The following SUGCT variants were observed in gnomAD, a reference collection of about 807,000 sequenced individuals.
SUGCT encodes succinyl-CoA:glutarate CoA-transferase.
Under a neutral mutation model 55.0 loss-of-function variants are expected in SUGCT, and 41 were observed. The ratio of observed to expected loss-of-function variants is 0.74; its 90% CI spans 0.58 to 0.97. The LOEUF is 0.97. Ranked by LOEUF, SUGCT falls within the 50% of genes least tolerant of loss-of-function variation. The pLI is 0.00. For synonymous variants in SUGCT, 187 were observed against 200.4 expected (o/e 0.93, Z 0.56); for missense variants, 568 against 547.8 (o/e 1.04, Z -0.37).
intron 9 of SUGCT, among the ~76,000 whole-genome samples, chr7:40,426,323 T>G (rs897110537): frequency 6.6e-6 from 1 of 152,182 alleles, no homozygotes; most frequent in Admixed American, 6.6e-5. Flanking sequence ...ATTTATGGTA[T>G]ATGCGTGTCA....
chr7:40,542,616 T>A (rs1406115107), intron 12 of SUGCT, among the ~76,000 whole-genome samples: 1 of 152,200 alleles, frequency 6.6e-6, no homozygotes, highest in African/African-American at 2.4e-5. Context: ...TGCTCATGTG[T>A]GTCTCATTGA....
At chr7:40,473,005 TTTTC>T (rs1264610147) in intron 11 of SUGCT, among the ~76,000 whole-genome samples, 4 of 152,188 alleles carry the variant, frequency 2.6e-5, no homozygotes, top group Non-Finnish European at 5.9e-5. Flanking sequence ...AGTTGTATAT[TTTTC>T]TTTCTTTGAT....
At chr7:40,325,677 G>A (rs866111946) in intron 9 of SUGCT, among the ~76,000 whole-genome samples, 15 of 151,980 alleles carry the variant, frequency 9.9e-5, no homozygotes, top group African/African-American at 3.1e-4. Context: ...GTGGTGGTGC[G>A]TGCCGGTAAT....
At chr7:40,327,614 G>A (rs1320078798) in intron 9 of SUGCT, among the ~76,000 whole-genome samples, 1 of 152,178 alleles carries the variant, frequency 6.6e-6, no homozygotes, top group East Asian at 1.9e-4. Flanking sequence ...ATAGAAGGTG[G>A]TGCAAGGAAA....
At chr7:40,850,949 T>C (rs1197420573) in intron 13 of SUGCT, among the ~76,000 whole-genome samples, 1 of 152,214 alleles carries the variant, frequency 6.6e-6, no homozygotes, top group African/African-American at 2.4e-5. Flanking sequence ...ATACATTGAG[T>C]ATTTACTGTG....
intron 7 of SUGCT, among the ~76,000 whole-genome samples, chr7:40,268,923 C>G (rs1258204582): frequency 6.6e-6 from 1 of 152,222 alleles, no homozygotes; most frequent in African/African-American, 2.4e-5. Context: ...AGGCATGAGC[C>G]AATGTGCCCA....
At chr7:40,390,433 A>G (rs1785361878) in intron 9 of SUGCT, among the ~76,000 whole-genome samples, 2 of 152,228 alleles carry the variant, frequency 1.3e-5, no homozygotes, top group African/African-American at 4.8e-5. Context: ...CAACTTCAGC[A>G]AAGTCTCAGG....
chr7:40,934,654 G>T, the SUGCT span, among the ~76,000 whole-genome samples: 3 of 100,374 alleles, frequency 3.0e-5, no homozygotes, highest in South Asian at 1.3e-3. Context: ...AATGGTGGAC[G>T]CCCCTCCCTC....
intron 12 of SUGCT, among the ~76,000 whole-genome samples, chr7:40,725,110 T>G (rs908964137): frequency 5.3e-5 from 8 of 152,172 alleles, no homozygotes; most frequent in African/African-American, 1.9e-4. Context: ...CCTTGCTTTC[T>G]CTTCCCAGGA....
At chr7:40,358,660 G>A (rs867572046) in intron 9 of SUGCT, among the ~76,000 whole-genome samples, 1 of 152,086 alleles carries the variant, frequency 6.6e-6, no homozygotes, top group Non-Finnish European at 1.5e-5. Context: ...GTTGTAGTGA[G>A]CCGAAATTGT....
At chr7:40,754,019 G>T (rs1788141337) in intron 13 of SUGCT, among the ~76,000 whole-genome samples, 1 of 152,110 alleles carries the variant, frequency 6.6e-6, no homozygotes, top group South Asian at 2.1e-4. Context: ...AAAGAGTTAG[G>T]AAAGAAATGT....
the SUGCT span, among the ~76,000 whole-genome samples, chr7:40,881,550 G>A: frequency 6.6e-6 from 1 of 152,198 alleles, no homozygotes; most frequent in Non-Finnish European, 1.5e-5. Flanking sequence ...TCCTTTTATT[G>A]TTTTGGCTGG....
chr7:40,428,522 C>CTGTGTGTG (rs56017526), intron 9 of SUGCT, among the ~76,000 whole-genome samples: 64 of 149,178 alleles, frequency 4.3e-4, no homozygotes, highest in African/African-American at 1.5e-3. Flanking sequence ...TCTGTCTCTG[C>CTGTGTGTG]TGTGTGTGTG....
the SUGCT span, among the ~76,000 whole-genome samples, chr7:41,008,338 A>G: frequency 6.6e-6 from 1 of 152,132 alleles, no homozygotes; most frequent in Admixed American, 6.5e-5. Context: ...AGGGCATCTC[A>G]GGTCTCCACT....
chr7:40,887,586 C>T, the SUGCT span, among the ~76,000 whole-genome samples: 1 of 152,158 alleles, frequency 6.6e-6, no homozygotes, highest in African/African-American at 2.4e-5. Flanking sequence ...AGACAGAATA[C>T]ACAGGGGTGA....
At chr7:40,935,445 T>G in the SUGCT span, among the ~76,000 whole-genome samples, 1 of 152,202 alleles carries the variant, frequency 6.6e-6, no homozygotes, top group African/African-American at 2.4e-5. Flanking sequence ...ACCACTATTC[T>G]AATTTTTATG....
intron 9 of SUGCT, among the ~76,000 whole-genome samples, chr7:40,320,588 T>C (rs1191367947): frequency 2.0e-5 from 3 of 152,208 alleles, no homozygotes; most frequent in African/African-American, 7.2e-5. Context: ...TGGTAATTCT[T>C]TTAATTTCAT....
intron 9 of SUGCT, among the ~76,000 whole-genome samples, chr7:40,337,360 C>G (rs1035391587): frequency 6.6e-6 from 1 of 151,990 alleles, no homozygotes; most frequent in African/African-American, 2.4e-5. Flanking sequence ...TTAAAGTCTC[C>G]CATTATTATT....
chr7:40,804,782 A>G (rs900736289), intron 13 of SUGCT, among the ~76,000 whole-genome samples: 8 of 152,238 alleles, frequency 5.3e-5, no homozygotes, highest in African/African-American at 1.2e-4. Context: ...TGCCATTAAA[A>G]TGCACTGTGT....
Sources: gnomAD v4.1 joint callset for allele counts (sites outside exome capture counted in the v4.1 genomes callset) on GRCh38, gnomAD v4.1.1 for gene constraint, MANE v1.5 for transcripts, NCBI Gene and HGNC (gene_info 2026-07-23, HGNC 2026-07-21) for gene names.